The following PPM1L variants were observed in gnomAD, a reference collection of about 807,000 sequenced individuals.
PPM1L encodes protein phosphatase 1L.
In PPM1L, 13 loss-of-function variants were observed where a neutral mutation model predicts 31.4. The ratio of observed to expected loss-of-function variants is 0.41; its 90% CI spans 0.27 to 0.66. The LOEUF (loss-of-function observed/expected upper bound fraction) is 0.66, where lower values mean the gene tolerates loss of function less well. Ranked by LOEUF, PPM1L falls within the 30% of genes least tolerant of loss-of-function variation. The pLI is 0.29. For missense variants in PPM1L, 326 were observed against 453.7 expected (o/e 0.72, Z 2.56); for synonymous variants, 184 against 175.4 (o/e 1.05, Z -0.39).
rs143217509 is a variant in PPM1L, at chr3:160,771,676, G to A, written c.399+14969G>A. On this transcript the variant is annotated intron_variant, in intron 1 of 3. Transcript: ENST00000498165. ...AATAAACATGTGACTTTGGAGTTGG[G>A]AGTAAGATTAATTCATTCCGATTAT... Among the ~76,000 whole-genome samples, 923 of 151,204 alleles carry A rather than the reference G, an allele frequency of 6.1e-3. 9 individuals are homozygous for A. The highest frequency in any genetic ancestry group is 0.022 in the African/African-American group (896 of 41,224).
chr3:160,806,405 A>G (rs1011798439), intron 1 of PPM1L, among the ~76,000 whole-genome samples: 2 of 152,146 alleles, frequency 1.3e-5, no homozygotes, highest in Admixed American at 6.5e-5. Context: ...CAGACATGTA[A>G]TAACTGTTCT....
chr3:161,006,360 A>G (rs776108723), intron 2 of PPM1L, among the ~76,000 whole-genome samples: 2 of 152,158 alleles, frequency 1.3e-5, no homozygotes, highest in Non-Finnish European at 2.9e-5. Flanking sequence ...GGAAGGGGGA[A>G]TAGGCAGTTG....
At chr3:161,004,891 T>G (rs1164524669) in intron 2 of PPM1L, among the ~76,000 whole-genome samples, 3 of 152,220 alleles carry the variant, frequency 2.0e-5, no homozygotes, top group African/African-American at 7.2e-5. Context: ...AGCTTTTGAA[T>G]GTGTTTGCTC....
chr3:161,006,126 G>T (rs1717696312), intron 2 of PPM1L, among the ~76,000 whole-genome samples: 1 of 152,102 alleles, frequency 6.6e-6, no homozygotes, highest in African/African-American at 2.4e-5. Flanking sequence ...ATCAACAGAT[G>T]AATAAAGAAA....
rs1491553702 is a variant in PPM1L at position 160,786,208 on chromosome 3, T to TATATATATATA, written c.399+29501_399+29502insATATATATATA. Among the ~76,000 whole-genome samples, 4 of 30,466 alleles carry TATATATATATA rather than the reference T, an allele frequency of 1.3e-4. No homozygotes were observed. In the African/African-American group the frequency reaches 1.3e-3, roughly 10 times the overall value. The allele number at this position is 30,466 out of a possible 152,430, so 20.0% of individuals were successfully genotyped here. A position where few individuals can be genotyped will look rare whatever the true frequency, so the allele number is the denominator to read the frequency against. On this transcript the variant is annotated intron_variant, in intron 1 of 3. Transcript: ENST00000498165. The stretch of plus-strand genomic sequence containing the variant: ...GTGTGTATATATATATATATATATA[T>TATATATATATA]TTTTTTTTTTTTTTTTTTTTTTTTT...
At chr3:160,757,213 T>C (rs1396998418) in intron 1 of PPM1L, among the ~76,000 whole-genome samples, 2 of 152,200 alleles carry the variant, frequency 1.3e-5, no homozygotes, top group Non-Finnish European at 2.9e-5. Flanking sequence ...TCCCATCGCC[T>C]TCACTCTAGG....
chr3:160,809,854 T>C (rs1712756812), intron 1 of PPM1L, among the ~76,000 whole-genome samples: 1 of 152,098 alleles, frequency 6.6e-6, no homozygotes, highest in Non-Finnish European at 1.5e-5. Flanking sequence ...GCAAATTTGA[T>C]CCCTGACAGA....
At chr3:160,813,685 T>C (rs1712882864) in intron 1 of PPM1L, among the ~76,000 whole-genome samples, 1 of 152,204 alleles carries the variant, frequency 6.6e-6, no homozygotes, top group Admixed American at 6.5e-5. Context: ...ATTAGCGATG[T>C]TCTGTGAACA....
At position 161,070,515 on chromosome 3, in the gene PPM1L, G is replaced by A. The variant is rs1026392798; in HGVS notation, c.*1358G>A. 1.3e-5 allele frequency: 2 copies of A among 152,150 alleles called. No homozygotes were observed. Among genetic ancestry groups the A allele is most frequent in the African/African-American group, 4.8e-5 (2 of 41,404 alleles). 9.4% of individuals were successfully genotyped at this position (152,150 alleles called of 1,614,324 possible). ...TGATAAGTGGGCCAGAATTATTTAGGGGCCTGGCTTGCTGCTCTCCATTTC... is the reference window on the plus strand; with the variant it reads ...TGATAAGTGGGCCAGAATTATTTAGAGGCCTGGCTTGCTGCTCTCCATTTC... On this transcript the variant is annotated 3_prime_UTR_variant, in exon 4 of 4. Coordinates refer to ENST00000498165, the MANE Select transcript of PPM1L (RefSeq NM_139245.4).
intron 2 of PPM1L, among the ~76,000 whole-genome samples, chr3:161,024,529 T>C (rs1468690788): frequency 6.6e-6 from 1 of 151,620 alleles, no homozygotes; most frequent in Non-Finnish European, 1.5e-5. Context: ...AGAAACCCCA[T>C]CTCTACTAAA....
rs562257480 is a variant in PPM1L at position 160,814,548 on chromosome 3, T to C, written c.399+57841T>C. ...ACACATATGTATGTATGTGTATATA[T>C]ACACACACACATATGTATGTATGTG... On this transcript the variant is annotated intron_variant, in intron 1 of 3. Transcript: ENST00000498165. Among the ~76,000 whole-genome samples the C allele has an allele frequency of 3.6e-4, 42 of 117,722 alleles. 1 individual carries two copies. The highest frequency in any genetic ancestry group is 2.5e-3 in the East Asian group (12 of 4,874). The allele number at this position is 117,722 out of a possible 152,430, so 77.2% of individuals were successfully genotyped here.
intron 1 of PPM1L, among the ~76,000 whole-genome samples, chr3:160,876,435 C>T (rs1712515276): frequency 6.6e-6 from 1 of 152,206 alleles, no homozygotes; most frequent in South Asian, 2.1e-4. Context: ...ATCCTGATTA[C>T]TTCAGTGTTT....
At chr3:160,815,766 G>A (rs1480979524) in intron 1 of PPM1L, among the ~76,000 whole-genome samples, 1 of 152,034 alleles carries the variant, frequency 6.6e-6, no homozygotes, top group Non-Finnish European at 1.5e-5. Context: ...GAAGGGTGAA[G>A]AACATAAAGA....
intron 1 of PPM1L, among the ~76,000 whole-genome samples, chr3:160,922,569 G>A (rs1419483698): frequency 6.6e-6 from 1 of 152,050 alleles, no homozygotes; most frequent in Non-Finnish European, 1.5e-5. Flanking sequence ...TAAGTCTAAG[G>A]TCTTTTGAAC....
At chr3:161,049,646 A>C (rs537767872) in intron 2 of PPM1L, among the ~76,000 whole-genome samples, 7 of 152,326 alleles carry the variant, frequency 4.6e-5, no homozygotes, top group African/African-American at 1.2e-4. Context: ...TGGTAATAAT[A>C]ATCCCATGTA....
intron 1 of PPM1L, among the ~76,000 whole-genome samples, chr3:160,910,246 T>TTCCTC (rs1713915467): frequency 9.6e-5 from 2 of 20,784 alleles, no homozygotes; most frequent in African/African-American, 4.2e-4. Flanking sequence ...TCCCCTTTCC[T>TTCCTC]TTCCCCTTCC....
intron 2 of PPM1L, among the ~76,000 whole-genome samples, chr3:161,005,469 A>G (rs386469907): frequency 6.6e-6 from 1 of 152,340 alleles, no homozygotes; most frequent in Non-Finnish European, 1.5e-5. Context: ...AGAGATGGCC[A>G]TCTCAAGGTC....
rs139449308 is a variant in PPM1L, at chr3:161,019,086, G to A, written c.575-46317G>A. Among the ~76,000 whole-genome samples the A allele has an allele frequency of 4.0e-3, 607 of 152,286 alleles. 4 individuals are homozygous for A. The highest frequency in any genetic ancestry group is 0.014 in the African/African-American group (587 of 41,558). On this transcript the variant is annotated intron_variant, in intron 2 of 3. Transcript: ENST00000498165. ...CGGGAAACATTGAACTAGAGGATAA[G>A]ATTATTTGATTAATTTGGTTAATTA...
chr3:160,777,860 A>G (rs1185410277), intron 1 of PPM1L, among the ~76,000 whole-genome samples: 3 of 152,156 alleles, frequency 2.0e-5, no homozygotes, highest in Non-Finnish European at 4.4e-5. Flanking sequence ...ACTACTTTCA[A>G]TTCTTTTGGA....
Sources: allele counts gnomAD v4.1 joint callset (sites outside exome capture counted in the v4.1 genomes callset), GRCh38; gene constraint gnomAD v4.1.1; transcripts MANE v1.5; gene names NCBI Gene and HGNC (gene_info 2026-07-23, HGNC 2026-07-21).